SEC14L1: variants seen among roughly 807,000 people sequenced by gnomAD.
SEC14L1 encodes SEC14 like lipid binding 1, also known as SEC14-like protein 1.
Under a neutral mutation model 85.3 loss-of-function variants are expected in SEC14L1, and 48 were observed. That is an observed-to-expected ratio of 0.56 (90% CI 0.45 to 0.72). The LOEUF is 0.72. Among genes scored for constraint, SEC14L1 ranks in the 30% least tolerant of loss-of-function variants. The pLI is 0.00. For synonymous variants in SEC14L1, 391 were observed against 355.5 expected, an observed-to-expected ratio of 1.10 and a Z score of -1.12; for missense variants, 682 against 921.4, an observed-to-expected ratio of 0.74 and a Z score of 3.36.
At chr17:77,172,977 T>G (rs1015417852) in intron 3 of SEC14L1, among the ~76,000 whole-genome samples, 3 of 152,320 alleles carry the variant, frequency 2.0e-5, no homozygotes, top group Admixed American at 2.0e-4. Flanking sequence ...TCCCAAATTG[T>G]CATAGCAGCC....
At position 77,216,585 on chromosome 17, in the gene SEC14L1, C is replaced by T; in HGVS notation, c.*2562C>T. 1.2e-6 allele frequency: 2 copies of T among 1,613,368 alleles called. No individual in the cohort carries two copies. The highest frequency in any genetic ancestry group is 1.7e-6 in the Non-Finnish European group (2 of 1,179,476). On this transcript the variant is annotated 3_prime_UTR_variant, in exon 17 of 17. Transcript: ENST00000436233. ...GCTGACAGCTGCCAAGAAAATGCTTCACTCAACAGTCCTCATGTGCCCAGA... is the reference window on the plus strand; with the variant it reads ...GCTGACAGCTGCCAAGAAAATGCTTTACTCAACAGTCCTCATGTGCCCAGA...
intron 3 of SEC14L1, among the ~76,000 whole-genome samples, chr17:77,149,858 T>G (rs904560963): frequency 1.5e-4 from 21 of 138,584 alleles, no homozygotes; most frequent in African/African-American, 5.2e-4. Flanking sequence ...TGATTTGTGT[T>G]TTTTTTTTTT....
chr17:77,126,338 G>A (rs1598258993), intron 3 of SEC14L1, among the ~76,000 whole-genome samples: 1 of 152,240 alleles, frequency 6.6e-6, no homozygotes, highest in African/African-American at 2.4e-5. Flanking sequence ...GCCTGGGCCT[G>A]ATACAACTGG....
At position 77,194,746 on chromosome 17, in the gene SEC14L1, A is replaced by G; in HGVS notation, c.544A>G (p.Ser182Gly). The change falls in exon 7 of 17, where the codon AGT becomes GGT. Residue 182 changes from serine to glycine, a missense_variant. Ser to Gly is a moderately conservative substitution (Grantham distance 56). Transcript: ENST00000436233. ...AGGCATAACCTTTGTGCCCCGTTGG[A>G]GTCCGCCTTCCATCACGACCTCTTC... ...EEGITFVPRW[S>G]PPSITTSSET... 2 of 1,614,210 alleles carry G rather than the reference A, an allele frequency of 1.2e-6. No individual in the cohort carries two copies. The highest frequency in any genetic ancestry group is 1.3e-5 in the African/African-American group (1 of 75,060).
At chr17:77,099,026 T>G (rs1407655782) in intron 3 of SEC14L1, 1 of 152,186 alleles carries the variant, frequency 6.6e-6, no homozygotes, top group African/African-American at 2.4e-5. Flanking sequence ...AGATCAATTA[T>G]GCAGCTACAG....
chr17:77,215,766 G>A lies in SEC14L1; in HGVS notation c.*1743G>A. Reference sequence around the variant, plus strand: ...GTAGGGTTAGTAGGTAGGGCTAGTAGGTAGGGCTAGTAGGTAGGGTTCGTA... The same window carrying A: ...GTAGGGTTAGTAGGTAGGGCTAGTAAGTAGGGCTAGTAGGTAGGGTTCGTA... On this transcript the variant is annotated 3_prime_UTR_variant, in exon 17 of 17. Coordinates refer to ENST00000436233, the MANE Select transcript of SEC14L1 (RefSeq NM_001143998.2). 5.1e-6 allele frequency: 5 copies of A among 974,150 alleles called. No individual in the cohort carries two copies. Among genetic ancestry groups the A allele is most frequent in the Non-Finnish European group, 6.1e-6 (5 of 825,342 alleles). The allele number at this position is 974,150 out of a possible 1,614,324, so 60.3% of individuals were successfully genotyped here.
Position 77,212,119 on chromosome 17 carries a change from T to A in SEC14L1, c.1781T>A (p.Leu594His). ...ITSPGGNNVQ[L>H]IDKVWQLGRD... ...TCTCCGGGTGGGAACAATGTGCAGC[T>A]CATAGACAAAGTCTGGCAGCTGGGC... Residue 594 changes from leucine to histidine, a missense_variant, in exon 15 of 17, where the codon CTC (leucine) becomes CAC (histidine). Leu to His is a moderately conservative substitution (Grantham distance 99). Coordinates refer to ENST00000436233, the MANE Select transcript of SEC14L1 (RefSeq NM_001143998.2). 1 of 1,614,126 alleles carries A rather than the reference T, an allele frequency of 6.2e-7. No homozygotes were observed. Among genetic ancestry groups the A allele is most frequent in the Non-Finnish European group, 8.5e-7 (1 of 1,180,034 alleles).
intron 3 of SEC14L1, among the ~76,000 whole-genome samples, chr17:77,155,464 C>T (rs1311085295): frequency 6.6e-6 from 1 of 152,238 alleles, no homozygotes; most frequent in Non-Finnish European, 1.5e-5. Flanking sequence ...GCATCCCTGG[C>T]AGCCTTCCTT....
At chr17:77,153,430 C>T (rs1449171511) in intron 3 of SEC14L1, among the ~76,000 whole-genome samples, 1 of 152,136 alleles carries the variant, frequency 6.6e-6, no homozygotes, top group African/African-American at 2.4e-5. Flanking sequence ...AGCTGCTCCC[C>T]TTTTCTTCCT....
intron 3 of SEC14L1, among the ~76,000 whole-genome samples, chr17:77,164,789 A>G (rs1974214641): frequency 6.6e-6 from 1 of 152,172 alleles, no homozygotes; most frequent in South Asian, 2.1e-4. Flanking sequence ...TGAAGGCCAT[A>G]GATACTGGTA....
intron 3 of SEC14L1, chr17:77,185,371 T>A: frequency 4.1e-6 from 4 of 985,448 alleles, no homozygotes; most frequent in Non-Finnish European, 4.8e-6. Flanking sequence ...GCCATCTGGT[T>A]GGGCATGCCA....
At position 77,216,222 on chromosome 17, in the gene SEC14L1, G is replaced by C; in HGVS notation, c.*2199G>C. On this transcript the variant is annotated 3_prime_UTR_variant, in exon 17 of 17. Coordinates refer to ENST00000436233, the MANE Select transcript of SEC14L1 (RefSeq NM_001143998.2). ...GGCTAGTAGGTAGGGCTAGTAGGTA[G>C]GGTTCGTAGGTAGGGTTCGTAGGTA... is the stretch of plus-strand genomic sequence containing the variant. 9.5e-7 allele frequency: 1 copy of C among 1,052,936 alleles called. No individual in the cohort carries two copies. The highest frequency in any genetic ancestry group is 1.2e-6 in the Non-Finnish European group (1 of 867,236). 65.2% of individuals were successfully genotyped at this position (1,052,936 alleles called of 1,614,324 possible). A position where few individuals can be genotyped will look rare whatever the true frequency, so the allele number is the denominator to read the frequency against.
rs763963441 is a variant in SEC14L1 at position 77,193,716 on chromosome 17, T to G, written c.474+167T>G. 1.4e-4 allele frequency among the ~76,000 whole-genome samples: 21 copies of G among 152,200 alleles called. No homozygotes were observed. Among genetic ancestry groups the G allele is most frequent in the Non-Finnish European group, 2.8e-4 (19 of 68,038 alleles). On this transcript the variant is annotated intron_variant, in intron 6 of 16. Coordinates refer to ENST00000436233, the MANE Select transcript of SEC14L1 (RefSeq NM_001143998.2). ...CATCTTTAGGTATAGGGGTTGAGGT[T>G]GTGCTGGTTGCTGATGGAGGAAGGA...
intron 3 of SEC14L1, among the ~76,000 whole-genome samples, chr17:77,163,140 G>C (rs1974141641): frequency 6.6e-6 from 1 of 152,144 alleles, no homozygotes; most frequent in Non-Finnish European, 1.5e-5. Flanking sequence ...GGAGCTTGCA[G>C]TGGCAACTGA....
At chr17:77,106,259 T>C (rs1971911816) in intron 3 of SEC14L1, among the ~76,000 whole-genome samples, 1 of 151,894 alleles carries the variant, frequency 6.6e-6, no homozygotes. Context: ...GGAGGCCAGG[T>C]GTGGTGGCTC....
chr17:77,149,053 A>G (rs1250424283), intron 3 of SEC14L1, among the ~76,000 whole-genome samples: 1 of 151,616 alleles, frequency 6.6e-6, no homozygotes, highest in Non-Finnish European at 1.5e-5. Flanking sequence ...GCCATTCCCC[A>G]TCTGTCTCTC....
In SEC14L1 at chr17:77,206,097, G is replaced by A. The variant is rs535993086; in HGVS notation, c.1170-132G>A. The A allele has an allele frequency of 2.4e-6, 2 of 827,816 alleles. No homozygotes were observed. The highest frequency in any genetic ancestry group is 3.8e-6 in the Non-Finnish European group (2 of 532,492). 51.3% of individuals were successfully genotyped at this position (827,816 alleles called of 1,614,324 possible). ...AACAGGGTTCATAGCACTATACATA[G>A]CACTATAATTTAAAAAAATTGATTA... is the stretch of plus-strand genomic sequence containing the variant. On this transcript the variant is annotated intron_variant, in intron 11 of 16. Transcript: ENST00000436233. The surrounding 1 kb of genome is among the most constrained non-coding windows in gnomAD (Gnocchi z 4.3).
At chr17:77,131,869 T>C (rs1255375510) in intron 3 of SEC14L1, among the ~76,000 whole-genome samples, 2 of 152,226 alleles carry the variant, frequency 1.3e-5, no homozygotes, top group African/African-American at 4.8e-5. Flanking sequence ...AGGAAGACTC[T>C]TAGGTAGATA....
At chr17:77,212,919 C>T (rs1976837502) in intron 15 of SEC14L1, among the ~76,000 whole-genome samples, 1 of 152,228 alleles carries the variant, frequency 6.6e-6, no homozygotes, top group South Asian at 2.1e-4. Flanking sequence ...GACGTGCCTT[C>T]AGCCCCGAAC....
Sources: allele counts gnomAD v4.1 joint callset (sites outside exome capture counted in the v4.1 genomes callset), GRCh38; gene constraint gnomAD v4.1.1; non-coding constraint Gnocchi (gnomAD v3.1); transcripts MANE v1.5; gene names NCBI Gene and HGNC (gene_info 2026-07-23, HGNC 2026-07-21).